Variants in SAMD5 observed in about 807,000 individuals in gnomAD.
SAMD5 encodes the protein sterile alpha motif domain containing 5, also known as sterile alpha motif domain-containing protein 5.
In SAMD5, 13 loss-of-function variants were observed where a neutral mutation model predicts 11.3. The ratio of observed to expected loss-of-function variants is 1.15; its 90% CI spans 0.75 to 1.83. The LOEUF (loss-of-function observed/expected upper bound fraction) is 1.83, where lower values mean the gene tolerates loss of function less well. Ranked by LOEUF, SAMD5 falls within the 40% of genes most tolerant of loss-of-function variation. SAMD5 has a pLI of 0.00. For missense variants in SAMD5, 255 were observed against 239.1 expected, an observed-to-expected ratio of 1.07 and a Z score of -0.44; for synonymous variants, 129 against 111.3, an observed-to-expected ratio of 1.16 and a Z score of -1.00.
chr6:147,914,684 C>A, the SAMD5 span, among the ~76,000 whole-genome samples: 16 of 152,268 alleles, frequency 1.1e-4, no homozygotes, highest in South Asian at 3.3e-3. Flanking sequence ...CTTACAATAT[C>A]TCTCCAGTGA....
intron 1 of SAMD5, 43 bp from the exon 2 acceptor site, chr6:147,564,351 G>A: frequency 2.6e-6 from 2 of 778,178 alleles, no homozygotes; most frequent in South Asian, 2.7e-5. Context: ...GGAAGAATGG[G>A]TAAAGGAGAA....
chr6:147,779,771 G>T, the SAMD5 span, among the ~76,000 whole-genome samples: 4 of 152,310 alleles, frequency 2.6e-5, no homozygotes, highest in South Asian at 2.1e-4. Flanking sequence ...TGGGCTCAAG[G>T]TCTGGCATTT....
chr6:147,580,925 G>A (rs997415690), intron 1 of SAMD5, among the ~76,000 whole-genome samples: 4 of 152,076 alleles, frequency 2.6e-5, no homozygotes, highest in East Asian at 1.9e-4. Flanking sequence ...GGAAAGAGAC[G>A]CTATGTTGGG....
At chr6:147,534,951 C>T (rs1788485386) in intron 1 of SAMD5, among the ~76,000 whole-genome samples, 1 of 152,142 alleles carries the variant, frequency 6.6e-6, no homozygotes, top group South Asian at 2.1e-4. Flanking sequence ...CTAAGTTTCT[C>T]CCAAAGTTAG....
At chr6:147,873,461 C>T in the SAMD5 span, among the ~76,000 whole-genome samples, 1 of 151,122 alleles carries the variant, frequency 6.6e-6, no homozygotes, top group Non-Finnish European at 1.5e-5. Flanking sequence ...TTTCAATAGT[C>T]TAGGGTTTAA....
At chr6:147,896,900 C>T in the SAMD5 span, among the ~76,000 whole-genome samples, 1 of 152,024 alleles carries the variant, frequency 6.6e-6, no homozygotes, top group Non-Finnish European at 1.5e-5. Context: ...TTGTACTCAG[C>T]AATCGAGGCC....
chr6:147,806,322 A>G, the SAMD5 span, among the ~76,000 whole-genome samples: 3 of 149,850 alleles, frequency 2.0e-5, no homozygotes, highest in African/African-American at 5.1e-5. Flanking sequence ...GCGCGCGCAC[A>G]CACACACACA....
the SAMD5 span, among the ~76,000 whole-genome samples, chr6:147,772,608 T>G: frequency 1.3e-5 from 2 of 152,068 alleles, no homozygotes; most frequent in Non-Finnish European, 2.9e-5. Flanking sequence ...AAAGATCTGT[T>G]CCAGGCCTCA....
chr6:147,897,943 TAAA>T, the SAMD5 span, among the ~76,000 whole-genome samples: 1,105 of 89,382 alleles, frequency 0.012, 19 homozygotes, highest in African/African-American at 0.046. Flanking sequence ...AGATTTTTCT[TAAA>T]AAAAAAAAAA....
chr6:147,864,913 A>G, the SAMD5 span, among the ~76,000 whole-genome samples: 11 of 152,198 alleles, frequency 7.2e-5, no homozygotes, highest in Non-Finnish European at 1.3e-4. Context: ...AGTTTAAAAC[A>G]TTCTGGAGCC....
the SAMD5 span, among the ~76,000 whole-genome samples, chr6:147,941,564 T>C: frequency 6.6e-6 from 1 of 152,190 alleles, no homozygotes. Flanking sequence ...TTTTTAGGGG[T>C]ACCGTATCTG....
intron 1 of SAMD5, among the ~76,000 whole-genome samples, chr6:147,531,973 A>G (rs1330625627): frequency 6.6e-6 from 1 of 152,170 alleles, no homozygotes; most frequent in African/African-American, 2.4e-5. Flanking sequence ...GTAGAAATTC[A>G]TTGGAGTAAT....
At chr6:147,935,469 A>G in the SAMD5 span, among the ~76,000 whole-genome samples, 2 of 152,202 alleles carry the variant, frequency 1.3e-5, no homozygotes, top group Non-Finnish European at 2.9e-5. Flanking sequence ...TAGAGAAGGA[A>G]TAACATAAGC....
chr6:147,678,797 C>A lies in SAMD5; in HGVS notation c.163-58520C>A, dbSNP rs139854543. Reference sequence around the variant, plus strand: ...AAGTGAGCTCTCTTTTTTTAAAACACCTTTAATGAGGTATACTTGTCATAC... The same window carrying A: ...AAGTGAGCTCTCTTTTTTTAAAACAACTTTAATGAGGTATACTTGTCATAC... On this transcript the variant is annotated intron_variant, in intron 1 of 1. Transcript: ENST00000566741. Among the ~76,000 whole-genome samples the A allele has an allele frequency of 2.7e-3, 418 of 152,180 alleles. 1 individual carries two copies. The highest frequency in any genetic ancestry group is 6.8e-3 in the Middle Eastern group (2 of 294).
chr6:147,918,432 G>C, the SAMD5 span, among the ~76,000 whole-genome samples: 1 of 152,064 alleles, frequency 6.6e-6, no homozygotes, highest in African/African-American at 2.4e-5. Flanking sequence ...TTGAAAACTG[G>C]CACAAGAGAG....
chr6:147,833,586 A>G, the SAMD5 span, among the ~76,000 whole-genome samples: 2 of 152,242 alleles, frequency 1.3e-5, no homozygotes, highest in African/African-American at 4.8e-5. Context: ...ATCATTTTCT[A>G]GTGAATTCTG....
intron 1 of SAMD5, among the ~76,000 whole-genome samples, chr6:147,520,913 A>G (rs567528482): frequency 6.6e-6 from 1 of 152,282 alleles, no homozygotes; most frequent in East Asian, 1.9e-4. Flanking sequence ...AGTATACAAC[A>G]CGTTATTATT....
At chr6:147,734,711 T>TAAAA (rs61482319) in intron 1 of SAMD5, among the ~76,000 whole-genome samples, 470 of 26,124 alleles carry the variant, frequency 0.018, 56 homozygotes, top group Non-Finnish European at 0.032. Flanking sequence ...AGACTCCATC[T>TAAAA]AAAAAAAAAA....
At chr6:147,709,005 T>G (rs1791361607) in intron 1 of SAMD5, among the ~76,000 whole-genome samples, 1 of 152,244 alleles carries the variant, frequency 6.6e-6, no homozygotes, top group African/African-American at 2.4e-5. Context: ...TGCTATTCAC[T>G]CATACTCCTC....
Sources: gnomAD v4.1 joint callset for allele counts (sites outside exome capture counted in the v4.1 genomes callset) on GRCh38, gnomAD v4.1.1 for gene constraint, MANE v1.5 for transcripts, NCBI Gene and HGNC (gene_info 2026-07-23, HGNC 2026-07-21) for gene names.